The following EBF1 variants were observed in gnomAD, a reference collection of about 807,000 sequenced individuals.
The protein encoded by EBF1 is EBF transcription factor 1.
EBF1 carries 10 observed loss-of-function variants against 68.4 expected under a neutral mutation model. The ratio of observed to expected loss-of-function variants is 0.15; its 90% CI spans 0.09 to 0.25. The LOEUF (loss-of-function observed/expected upper bound fraction) is 0.25. Ranked by LOEUF, EBF1 falls within the 10% of genes least tolerant of loss-of-function variation. The pLI, the probability that EBF1 is intolerant of heterozygous loss-of-function variation, is 1.00. For missense variants in EBF1, 509 were observed against 794.4 expected (o/e 0.64, Z 4.32); for synonymous variants, 298 against 299.8 (o/e 0.99, Z 0.06).
intron 6 of EBF1, among the ~76,000 whole-genome samples, chr5:158,982,443 C>T (rs982691994): frequency 1.6e-4 from 24 of 152,030 alleles, no homozygotes; most frequent in African/African-American, 5.1e-4. Context: ...TGTCAGGCAA[C>T]GAGGATATAA....
chr5:158,775,347 T>G (rs1414645217), intron 10 of EBF1, among the ~76,000 whole-genome samples: 1 of 152,090 alleles, frequency 6.6e-6, no homozygotes, highest in Non-Finnish European at 1.5e-5. Context: ...GATATTTTGT[T>G]GAAGACTGAT....
Position 158,698,018 on chromosome 5 carries a change from T to C in EBF1, c.*1093A>G. 1 of 213,556 alleles carries C rather than the reference T, an allele frequency of 4.7e-6. No individual in the cohort carries two copies. Among genetic ancestry groups the C allele is most frequent in the Non-Finnish European group, 9.5e-6 (1 of 105,570 alleles). The allele number at this position is 213,556 out of a possible 1,614,324, so 13.2% of individuals were successfully genotyped here. A position where few individuals can be genotyped will look rare whatever the true frequency, so the allele number is the denominator to read the frequency against. ...GCACTTAACCTGTTGTTTCAATCTA[T>C]TATGTTACAAATGGTAAGGGTCGAC... On this transcript the variant is annotated 3_prime_UTR_variant, in exon 16 of 16. Transcript: ENST00000313708.
intron 10 of EBF1, among the ~76,000 whole-genome samples, chr5:158,739,049 A>T (rs991472953): frequency 4.6e-5 from 7 of 152,168 alleles, no homozygotes; most frequent in African/African-American, 1.7e-4. Flanking sequence ...TGCTCAAGAA[A>T]CTGTTTTCTG....
At chr5:158,824,794 T>C (rs1306186708) in intron 7 of EBF1, among the ~76,000 whole-genome samples, 1 of 152,200 alleles carries the variant, frequency 6.6e-6, no homozygotes, top group Non-Finnish European at 1.5e-5. Context: ...CCCACAGTCT[T>C]CCCATACTTA....
At chr5:158,825,211 G>A (rs1354364913) in intron 7 of EBF1, among the ~76,000 whole-genome samples, 2 of 152,180 alleles carry the variant, frequency 1.3e-5, no homozygotes, top group Non-Finnish European at 2.9e-5. Context: ...GAAGAAAACG[G>A]TCTACTATTT....
At chr5:158,998,622 C>T (rs546587733) in intron 6 of EBF1, among the ~76,000 whole-genome samples, 2 of 152,260 alleles carry the variant, frequency 1.3e-5, no homozygotes, top group East Asian at 1.9e-4. Flanking sequence ...ACCCACCTAC[C>T]GCCCTTATTG....
intron 8 of EBF1, among the ~76,000 whole-genome samples, chr5:158,813,336 A>T (rs1783076447): frequency 6.6e-6 from 1 of 152,198 alleles, no homozygotes; most frequent in Non-Finnish European, 1.5e-5. Flanking sequence ...CTGCATGGGA[A>T]ATAGTGGTCT....
intron 6 of EBF1, among the ~76,000 whole-genome samples, chr5:158,998,589 A>G (rs1237394538): frequency 2.6e-5 from 4 of 152,184 alleles, no homozygotes; most frequent in African/African-American, 9.7e-5. Flanking sequence ...GAAAACTTCA[A>G]TCATTTGTCT....
chr5:158,705,370 C>A (rs1757653068), intron 15 of EBF1, among the ~76,000 whole-genome samples: 1 of 152,156 alleles, frequency 6.6e-6, no homozygotes, highest in Admixed American at 6.5e-5. Context: ...TTTGTTCAAT[C>A]AGAAGGAAAG....
intron 3 of EBF1, 175 bp downstream of exon 3, chr5:159,096,168 C>T: frequency 1.5e-6 from 1 of 662,794 alleles, no homozygotes; most frequent in Non-Finnish European, 2.5e-6. Flanking sequence ...TCTTGGGCCA[C>T]TAGGAGCCTC....
intron 14 of EBF1, among the ~76,000 whole-genome samples, chr5:158,711,440 G>A (rs923024180): frequency 1.3e-5 from 2 of 152,172 alleles, no homozygotes; most frequent in African/African-American, 4.8e-5. Context: ...CCGGCATCAG[G>A]ACAAGCTCAC....
intron 6 of EBF1, among the ~76,000 whole-genome samples, chr5:158,888,217 T>A (rs1800428223): frequency 6.6e-6 from 1 of 152,124 alleles, no homozygotes; most frequent in African/African-American, 2.4e-5. Flanking sequence ...GGTGAAGAAA[T>A]GAAAGAGCCT....
chr5:158,997,377 T>G (rs1190917782), intron 6 of EBF1, among the ~76,000 whole-genome samples: 1 of 152,160 alleles, frequency 6.6e-6, no homozygotes, highest in African/African-American at 2.4e-5. Context: ...ATACTTCACA[T>G]TCTACGTAGC....
chr5:159,075,131 G>A (rs958730989), intron 5 of EBF1, among the ~76,000 whole-genome samples: 10 of 152,150 alleles, frequency 6.6e-5, no homozygotes, highest in Admixed American at 5.9e-4. Context: ...CCACCTCACA[G>A]GATCTCAGTT....
intron 5 of EBF1, among the ~76,000 whole-genome samples, chr5:159,082,254 G>A (rs1436159485): frequency 6.6e-6 from 1 of 151,956 alleles, no homozygotes; most frequent in Non-Finnish European, 1.5e-5. Flanking sequence ...CAGCTTTCAT[G>A]ACATCAACAC....
At chr5:158,778,944 T>C (rs1775861186) in intron 9 of EBF1, among the ~76,000 whole-genome samples, 1 of 152,208 alleles carries the variant, frequency 6.6e-6, no homozygotes, top group Non-Finnish European at 1.5e-5. Flanking sequence ...TCCGCTTCTT[T>C]GTCTTTTTTT....
At chr5:158,895,195 G>C (rs1801929844) in intron 6 of EBF1, among the ~76,000 whole-genome samples, 1 of 152,092 alleles carries the variant, frequency 6.6e-6, no homozygotes, top group African/African-American at 2.4e-5. Context: ...TTGGACACCA[G>C]CACTATTCAT....
chr5:159,091,771 C>T (rs1163556433), intron 4 of EBF1, among the ~76,000 whole-genome samples: 4 of 152,116 alleles, frequency 2.6e-5, no homozygotes, highest in African/African-American at 7.2e-5. Context: ...GAAGAGAAAC[C>T]TGATAGCATT....
intron 6 of EBF1, among the ~76,000 whole-genome samples, chr5:158,986,646 G>T (rs1759144226): frequency 6.6e-6 from 1 of 152,198 alleles, no homozygotes; most frequent in African/African-American, 2.4e-5. Context: ...AAATGCATCT[G>T]AGGACCAAAT....
Sources: allele counts gnomAD v4.1 joint callset (sites outside exome capture counted in the v4.1 genomes callset), GRCh38; gene constraint gnomAD v4.1.1; transcripts MANE v1.5; gene names NCBI Gene and HGNC (gene_info 2026-07-23, HGNC 2026-07-21).